Variants in ANK1 observed in about 807,000 individuals in gnomAD.
ANK1 encodes ankyrin-1.
ANK1 carries 51 observed loss-of-function variants against 210.4 expected under a neutral mutation model. That is an observed-to-expected ratio of 0.24 (90% CI 0.19 to 0.31). The LOEUF is 0.31. Among genes scored for constraint, ANK1 ranks in the 10% least tolerant of loss-of-function variants. The pLI, the probability that ANK1 is intolerant of heterozygous loss-of-function variation, is 1.00. For missense variants in ANK1, 2,051 were observed against 2,504.4 expected, an observed-to-expected ratio of 0.82 and a Z score of 3.86; for synonymous variants, 967 against 1,025.9, an observed-to-expected ratio of 0.94 and a Z score of 1.10.
intron 2 of ANK1, among the ~76,000 whole-genome samples, chr8:41,755,512 C>A (rs925033307): frequency 6.6e-6 from 1 of 152,186 alleles, no homozygotes; most frequent in African/African-American, 2.4e-5. Context: ...ATTCTCCAGC[C>A]ACAGTAAGAA....
intron 37 of ANK1, among the ~76,000 whole-genome samples, chr8:41,681,181 A>G (rs1274834698): frequency 6.6e-6 from 1 of 152,204 alleles, no homozygotes; most frequent in African/African-American, 2.4e-5. Flanking sequence ...TTCACTAGCC[A>G]CAGTTGTGAA....
intron 37 of ANK1, among the ~76,000 whole-genome samples, chr8:41,684,280 G>T (rs1817005882): frequency 6.6e-6 from 1 of 152,252 alleles, no homozygotes; most frequent in Non-Finnish European, 1.5e-5. Context: ...CGCAGTTGCT[G>T]ATGGCAAGGG....
chr8:41,676,283 T>C (rs529574085), intron 37 of ANK1, among the ~76,000 whole-genome samples: 1 of 152,358 alleles, frequency 6.6e-6, no homozygotes, highest in African/African-American at 2.4e-5. Flanking sequence ...AACCATTCTT[T>C]TAGGTATGTG....
At chr8:41,721,235 A>C (rs1829174923) in intron 9 of ANK1, among the ~76,000 whole-genome samples, 1 of 152,180 alleles carries the variant, frequency 6.6e-6, no homozygotes, top group Non-Finnish European at 1.5e-5. Context: ...CACAGCAGGA[A>C]AATGTCACAT....
intron 2 of ANK1, among the ~76,000 whole-genome samples, chr8:41,745,227 C>G (rs1370112226): frequency 1.3e-5 from 2 of 152,032 alleles, no homozygotes; most frequent in East Asian, 3.9e-4. Flanking sequence ...AGAGGAGGGA[C>G]AGTTAGCAAA....
At chr8:41,894,306 C>T (rs963826424) in intron 1 of ANK1, among the ~76,000 whole-genome samples, 7 of 151,874 alleles carry the variant, frequency 4.6e-5, no homozygotes, top group Non-Finnish European at 8.8e-5. Flanking sequence ...ATGCTACTGA[C>T]GCAGTATGCT....
intron 1 of ANK1, among the ~76,000 whole-genome samples, chr8:41,806,788 G>A (rs1478493457): frequency 6.6e-6 from 1 of 152,158 alleles, no homozygotes; most frequent in Non-Finnish European, 1.5e-5. Context: ...GATTGTGACA[G>A]GCTCCACTCT....
chr8:41,754,162 T>G (rs1563672043), intron 2 of ANK1, among the ~76,000 whole-genome samples: 1 of 152,248 alleles, frequency 6.6e-6, no homozygotes, highest in Admixed American at 6.5e-5. Flanking sequence ...GACTTTAAAA[T>G]GAAATTATTC....
intron 3 of ANK1, among the ~76,000 whole-genome samples, chr8:41,732,261 C>T (rs993247106): frequency 2.6e-5 from 4 of 151,592 alleles, no homozygotes; most frequent in Non-Finnish European, 2.9e-5. Context: ...TGTGAGACCA[C>T]GTGTAATATA....
At chr8:41,703,833 G>T (rs1823780196) in intron 20 of ANK1, among the ~76,000 whole-genome samples, 1 of 152,054 alleles carries the variant, frequency 6.6e-6, no homozygotes, top group East Asian at 1.9e-4. Flanking sequence ...GGTAAATGGT[G>T]CTTAAAAGGA....
intron 2 of ANK1, among the ~76,000 whole-genome samples, chr8:41,755,742 T>G (rs1468269463): frequency 6.6e-6 from 1 of 152,124 alleles, no homozygotes; most frequent in African/African-American, 2.4e-5. Flanking sequence ...TGCATCCACC[T>G]CTTGGCATCA....
intron 2 of ANK1, among the ~76,000 whole-genome samples, chr8:41,744,536 C>CT (rs3063769): frequency 0.26 from 32,637 of 125,078 alleles, 4,558 homozygotes; most frequent in African/African-American, 0.33. Flanking sequence ...GATTTCTTTT[C>CT]TTTTTTTTTT....
At chr8:41,881,066 G>A (rs927274212) in intron 1 of ANK1, among the ~76,000 whole-genome samples, 1 of 152,242 alleles carries the variant, frequency 6.6e-6, no homozygotes, top group Non-Finnish European at 1.5e-5. Flanking sequence ...TCTAGTGCTT[G>A]CTTGGCCACT....
At chr8:41,841,384 G>C (rs943639543) in intron 1 of ANK1, among the ~76,000 whole-genome samples, 1 of 152,168 alleles carries the variant, frequency 6.6e-6, no homozygotes, top group African/African-American at 2.4e-5. Context: ...GGCTGAGTGA[G>C]GGAGAGCTGG....
intron 1 of ANK1, among the ~76,000 whole-genome samples, chr8:41,806,242 A>G (rs979799934): frequency 4.1e-4 from 62 of 152,330 alleles, no homozygotes; most frequent in African/African-American, 1.4e-3. Flanking sequence ...TAGACTGGAC[A>G]AGAACTCAGT....
chr8:41,893,114 TC>T (rs1819760493), intron 1 of ANK1, among the ~76,000 whole-genome samples: 1 of 152,134 alleles, frequency 6.6e-6, no homozygotes, highest in African/African-American at 2.4e-5. Context: ...CATCTTCCTG[TC>T]CTCTTCTCCT....
intron 1 of ANK1, among the ~76,000 whole-genome samples, chr8:41,768,401 G>T (rs959617989): frequency 6.6e-6 from 1 of 152,222 alleles, no homozygotes; most frequent in Admixed American, 6.5e-5. Context: ...GTACAGTACA[G>T]CTGCGCGTTG....
intron 1 of ANK1, among the ~76,000 whole-genome samples, chr8:41,833,494 C>T (rs916249355): frequency 5.3e-5 from 8 of 152,200 alleles, no homozygotes; most frequent in African/African-American, 1.9e-4. Flanking sequence ...TCTCCATCTG[C>T]AAGGTTGATG....
At position 41,784,057 on chromosome 8, in the gene ANK1, CAAA is replaced by C. The variant is rs34846355; in HGVS notation, c.27+13452_27+13454del. On this transcript the variant is annotated intron_variant, in intron 1 of 42. Coordinates refer to ENST00000289734, the MANE Select transcript of ANK1 (RefSeq NM_000037.4). ...TTGGTGGCATCGCAAGACCCTATCT[CAAA>C]AAAAAAAAAAAAAGCTGTGAGCATT... is the stretch of plus-strand genomic sequence containing the variant. Among the ~76,000 whole-genome samples, 1,088 of 140,284 alleles carry C rather than the reference CAAA, an allele frequency of 7.8e-3. 7 individuals are homozygous for C. The highest frequency in any genetic ancestry group is 0.026 in the Middle Eastern group (7 of 274). 92.0% of individuals were successfully genotyped at this position (140,284 alleles called of 152,430 possible).
Sources: gnomAD v4.1 joint callset for allele counts (sites outside exome capture counted in the v4.1 genomes callset) on GRCh38, gnomAD v4.1.1 for gene constraint, MANE v1.5 for transcripts, NCBI Gene and HGNC (gene_info 2026-07-23, HGNC 2026-07-21) for gene names.